SGPP1: variants seen among roughly 807,000 people sequenced by gnomAD.
SGPP1 encodes hSPP1.
SGPP1 carries 21 observed loss-of-function variants against 33.0 expected under a neutral mutation model. That is an observed-to-expected ratio of 0.64 (90% confidence interval 0.45 to 0.92). The LOEUF is 0.92. Ranked by LOEUF, SGPP1 falls within the 40% of genes least tolerant of loss-of-function variation. SGPP1 has a pLI of 0.00. For synonymous variants in SGPP1, 239 were observed against 241.2 expected (o/e 0.99, Z 0.08); for missense variants, 543 against 589.4 (o/e 0.92, Z 0.81).
chr14:63,719,001 TA>T (rs1566536666), intron 1 of SGPP1, among the ~76,000 whole-genome samples: 20 of 25,960 alleles, frequency 7.7e-4, no homozygotes, highest in African/African-American at 3.5e-3. Flanking sequence ...TATATATATA[TA>T]TATATATATA....
At chr14:63,712,127 C>A (rs1247597810) in intron 1 of SGPP1, among the ~76,000 whole-genome samples, 4 of 151,596 alleles carry the variant, frequency 2.6e-5, no homozygotes, top group Non-Finnish European at 5.9e-5. Flanking sequence ...ATAAACTCCA[C>A]ATATAATATG....
intron 1 of SGPP1, among the ~76,000 whole-genome samples, chr14:63,726,257 A>G (rs768909701): frequency 6.6e-5 from 10 of 152,178 alleles, no homozygotes; most frequent in Non-Finnish European, 1.5e-4. Context: ...AGGGGGAAAA[A>G]ATAGAGGAAG....
chr14:63,702,993 T>C (rs996362896), intron 1 of SGPP1, among the ~76,000 whole-genome samples: 9 of 152,176 alleles, frequency 5.9e-5, no homozygotes, highest in African/African-American at 9.6e-5. Context: ...CGTTGACTAC[T>C]ATCCACAGTT....
At chr14:63,707,318 G>A (rs1008308151) in intron 1 of SGPP1, among the ~76,000 whole-genome samples, 3 of 151,826 alleles carry the variant, frequency 2.0e-5, no homozygotes, top group African/African-American at 4.8e-5. Flanking sequence ...ATAATCTTAC[G>A]TTAAAAAAAC....
rs113656623 is a variant in SGPP1 at position 63,706,366 on chromosome 14, C to T, written c.685-7708G>A. Among the ~76,000 whole-genome samples, 1,248 of 152,028 alleles carry T rather than the reference C, an allele frequency of 8.2e-3. 11 individuals carry two copies. Among genetic ancestry groups the T allele is most frequent in the African/African-American group, 0.028 (1,164 of 41,474 alleles). Reference sequence around the variant, plus strand: ...GAACTAGATAGAAACAACGGTTGTACGACATTGTGAATGTACTAGAGCTGA... The same window carrying T: ...GAACTAGATAGAAACAACGGTTGTATGACATTGTGAATGTACTAGAGCTGA... On this transcript the variant is annotated intron_variant, in intron 1 of 2. Coordinates refer to ENST00000247225, the MANE Select transcript of SGPP1 (RefSeq NM_030791.4).
intron 1 of SGPP1, among the ~76,000 whole-genome samples, chr14:63,715,497 G>A (rs962226598): frequency 1.3e-5 from 2 of 151,052 alleles, no homozygotes; most frequent in Admixed American, 6.6e-5. Flanking sequence ...CCTTTTTTTT[G>A]AGCCGGAGTT....
rs533926130 is a variant in SGPP1 at position 63,701,294 on chromosome 14, A to T, written c.685-2636T>A. 2.0e-5 allele frequency among the ~76,000 whole-genome samples: 3 copies of T among 152,182 alleles called. No individual in the cohort carries two copies. The East Asian group carries it at 5.8e-4, about 29-fold the overall frequency. ...CCACCACTCCTGGCCAAGATACAAGATTTTGTTATGTGTTAAGTCATTGCA... is the reference window on the plus strand; with the variant it reads ...CCACCACTCCTGGCCAAGATACAAGTTTTTGTTATGTGTTAAGTCATTGCA... On this transcript the variant is annotated intron_variant, in intron 1 of 2. Transcript: ENST00000247225.
intron 1 of SGPP1, among the ~76,000 whole-genome samples, chr14:63,721,241 C>T (rs1240232608): frequency 6.6e-6 from 1 of 152,176 alleles, no homozygotes; most frequent in Non-Finnish European, 1.5e-5. Context: ...GATCGTGCCA[C>T]TGCACTCCAG....
intron 1 of SGPP1, among the ~76,000 whole-genome samples, chr14:63,703,061 C>G (rs528276079): frequency 6.6e-4 from 99 of 149,856 alleles, no homozygotes; most frequent in South Asian, 1.2e-3. Context: ...GGCTACTATA[C>G]CCCCATTCAC....
chr14:63,687,103 G>C (rs1212437585), intron 2 of SGPP1, among the ~76,000 whole-genome samples: 2 of 152,136 alleles, frequency 1.3e-5, no homozygotes, highest in African/African-American at 4.8e-5. Flanking sequence ...ATTTATGAGT[G>C]CCAACCCCTA....
In SGPP1 at chr14:63,727,959, C is replaced by G. The variant is rs1423955974; in HGVS notation, c.-15G>C. 7.2e-6 allele frequency: 11 copies of G among 1,538,110 alleles called. No individual in the cohort carries two copies. In the African/African-American group the frequency reaches 1.3e-4, roughly 18 times the overall value. ...CTCAGCGACATGATAACGGAACCCC[C>G]GGGAAGGCGGGCCGGCCTCCGGCGC... is the stretch of plus-strand genomic sequence containing the variant. On this transcript the variant is annotated 5_prime_UTR_variant, in exon 1 of 3. Transcript: ENST00000247225.
chr14:63,725,399 C>A (rs1413084581), intron 1 of SGPP1, among the ~76,000 whole-genome samples: 1 of 151,966 alleles, frequency 6.6e-6, no homozygotes, highest in Non-Finnish European at 1.5e-5. Context: ...AACAACTAAC[C>A]GAAAAATCAT....
intron 2 of SGPP1, among the ~76,000 whole-genome samples, chr14:63,696,605 T>G (rs1595063195): frequency 6.6e-6 from 1 of 152,218 alleles, no homozygotes; most frequent in African/African-American, 2.4e-5. Context: ...TAGGAGAGAT[T>G]AGTCAGAAAG....
intron 2 of SGPP1, among the ~76,000 whole-genome samples, chr14:63,688,588 A>C (rs1462341853): frequency 6.6e-6 from 1 of 152,136 alleles, no homozygotes; most frequent in Non-Finnish European, 1.5e-5. Context: ...ACTATTACTG[A>C]AAAACTTATC....
intron 2 of SGPP1, among the ~76,000 whole-genome samples, chr14:63,689,751 T>G (rs1230139398): frequency 6.6e-6 from 1 of 150,766 alleles, no homozygotes; most frequent in Non-Finnish European, 1.5e-5. Flanking sequence ...GAGCTGAAAT[T>G]ACGCCACTGC....
chr14:63,725,112 C>T (rs1055891187), intron 1 of SGPP1, among the ~76,000 whole-genome samples: 8 of 152,288 alleles, frequency 5.3e-5, no homozygotes, highest in Admixed American at 3.9e-4. Flanking sequence ...GTGGCTCACG[C>T]CTGTAATCCC....
chr14:63,702,225 T>C (rs1476383506), intron 1 of SGPP1, among the ~76,000 whole-genome samples: 3 of 152,178 alleles, frequency 2.0e-5, no homozygotes, highest in African/African-American at 7.2e-5. Flanking sequence ...AGAGATGGAA[T>C]GTTATCAAGC....
rs778358496 is a variant in SGPP1 at position 63,727,345 on chromosome 14, A to C, written c.600T>G (p.Ser200=). The C allele has an allele frequency of 6.2e-7, 1 of 1,614,168 alleles. No individual in the cohort carries two copies. Among genetic ancestry groups the C allele is most frequent in the South Asian group, 1.1e-5 (1 of 91,088 alleles). Residue 200 remains serine, a synonymous_variant, in exon 1 of 3, where the codon TCT becomes TCG. Transcript: ENST00000247225. Reference sequence around the variant, plus strand: ...CATGGGTGGAGGGCATGCTGTACTCAGAGTTGTAGAAGACCTCCAACTTGA... The same window carrying C: ...CATGGGTGGAGGGCATGCTGTACTCCGAGTTGTAGAAGACCTCCAACTTGA... The part of the protein sequence containing the change: ...PVVKLEVFYN[S]EYSMPSTHAM...
intron 1 of SGPP1, among the ~76,000 whole-genome samples, chr14:63,701,908 C>G (rs1042445204): frequency 1.6e-4 from 18 of 114,906 alleles, no homozygotes; most frequent in Non-Finnish European, 2.7e-4. Context: ...TTTTAAAAAG[C>G]TGTTGACAGC....
Sources: allele counts gnomAD v4.1 joint callset (sites outside exome capture counted in the v4.1 genomes callset), GRCh38; gene constraint gnomAD v4.1.1; transcripts MANE v1.5; gene names NCBI Gene and HGNC (gene_info 2026-07-23, HGNC 2026-07-21).